CHD1L: variants seen among roughly 807,000 people sequenced by gnomAD.
CHD1L encodes chromodomain helicase DNA binding protein 1 like.
A neutral mutation model predicts 115.9 loss-of-function variants in CHD1L; 118 were observed. The observed-to-expected ratio is 1.02, with a 90% CI of 0.88 to 1.19. CHD1L has a LOEUF of 1.19. Among genes scored for constraint, CHD1L ranks in the 50% most tolerant of loss-of-function variants. CHD1L has a pLI of 0.00. For missense variants in CHD1L, 1,179 were observed against 1,065.3 expected (o/e 1.11, Z -1.49); for synonymous variants, 411 against 387.1 (o/e 1.06, Z -0.72).
chr1:147,252,593 C>G, intron 1 of CHD1L, 30 bp from the exon 2 acceptor site: 1 of 1,558,886 alleles, frequency 6.4e-7, no homozygotes, highest in Non-Finnish European at 8.8e-7. Context: ...AATGTCTGCT[C>G]TTCGGATTTG....
the CHD1L span, among the ~76,000 whole-genome samples, chr1:147,217,350 C>T: frequency 2.6e-5 from 4 of 152,010 alleles, no homozygotes; most frequent in Non-Finnish European, 4.4e-5. Context: ...AGCCTGTCAC[C>T]GAGATTTCAC....
the CHD1L span, among the ~76,000 whole-genome samples, chr1:147,236,760 C>T: frequency 2.0e-5 from 3 of 152,182 alleles, no homozygotes; most frequent in Non-Finnish European, 4.4e-5. Flanking sequence ...GGCTGGTTAT[C>T]CCACTGTCTC....
At chr1:147,271,800 C>T (rs587751783) in intron 11 of CHD1L, among the ~76,000 whole-genome samples, 1 of 152,314 alleles carries the variant, frequency 6.6e-6, no homozygotes, top group Admixed American at 6.5e-5. Context: ...AAGGGGCTCA[C>T]TCACCTGCCT....
the CHD1L span, among the ~76,000 whole-genome samples, chr1:147,236,663 G>A: frequency 6.6e-6 from 1 of 152,062 alleles, no homozygotes; most frequent in Non-Finnish European, 1.5e-5. Flanking sequence ...CCTGGAGTAA[G>A]CAGCTCCTCT....
At chr1:147,261,339 A>G (rs1671845750) in intron 6 of CHD1L, among the ~76,000 whole-genome samples, 1 of 151,762 alleles carries the variant, frequency 6.6e-6, no homozygotes, top group Non-Finnish European at 1.5e-5. Context: ...GCATCCTCAC[A>G]TGACAGAAGG....
intron 5 of CHD1L, among the ~76,000 whole-genome samples, chr1:147,257,959 A>C (rs895891702): frequency 6.6e-6 from 1 of 152,168 alleles, no homozygotes; most frequent in Admixed American, 6.5e-5. Flanking sequence ...TTAAAAACCT[A>C]AGTAACAGAG....
the CHD1L span, among the ~76,000 whole-genome samples, chr1:147,232,475 ACCTCTC>A: frequency 0.023 from 3,475 of 150,178 alleles, 114 homozygotes; most frequent in African/African-American, 0.078. Flanking sequence ...CTAAACCTCA[ACCTCTC>A]CCTCTCCCTC....
chr1:147,254,098 C>T (rs1207694507), intron 2 of CHD1L, among the ~76,000 whole-genome samples: 2 of 152,178 alleles, frequency 1.3e-5, no homozygotes, highest in Non-Finnish European at 2.9e-5. Context: ...AGTCTCTTGA[C>T]ACATTTTTGT....
chr1:147,295,373 G>A (rs1381927785), intron 22 of CHD1L, 58 bp from the exon 23 acceptor site: 24 of 1,144,744 alleles, frequency 2.1e-5, no homozygotes, highest in Middle Eastern at 2.5e-4. Context: ...AGAACTAGTC[G>A]TTTTGGTAAA....
chr1:147,294,530 G>T lies in CHD1L; in HGVS notation c.2615+13G>T. 6.3e-7 allele frequency: 1 copy of T among 1,593,256 alleles called. No homozygotes were observed. The highest frequency in any genetic ancestry group is 1.1e-5 in the South Asian group (1 of 89,100). On this transcript the variant is annotated intron_variant, in intron 22 of 22. Coordinates refer to ENST00000369258, the MANE Select transcript of CHD1L (RefSeq NM_004284.6). ...TCCCAACTTACATGTATCCTTTTGTGATCTTCATTGTGTGTTCTCCCAACC... is the reference window on the plus strand; with the variant it reads ...TCCCAACTTACATGTATCCTTTTGTTATCTTCATTGTGTGTTCTCCCAACC...
the CHD1L span, among the ~76,000 whole-genome samples, chr1:147,235,351 A>T: frequency 2.0e-5 from 3 of 152,218 alleles, no homozygotes; most frequent in African/African-American, 4.8e-5. Context: ...TACCTTGGAC[A>T]TTCAAATTTG....
intron 1 of CHD1L, among the ~76,000 whole-genome samples, chr1:147,249,357 T>G (rs200081259): frequency 2.0e-5 from 3 of 152,016 alleles, no homozygotes; most frequent in East Asian, 3.9e-4. Flanking sequence ...AGATATTTTC[T>G]TTGTCTTTTG....
intron 12 of CHD1L, 55 bp downstream of exon 12, chr1:147,272,336 T>C (rs1473398798): frequency 1.7e-6 from 2 of 1,200,918 alleles, no homozygotes; most frequent in Non-Finnish European, 2.5e-6. Flanking sequence ...TAGAGTACTA[T>C]TACATCCCAA....
chr1:147,203,262 A>G, the CHD1L span: 44 of 1,497,152 alleles, frequency 2.9e-5, no homozygotes, highest in African/African-American at 4.2e-5. Context: ...TACAGTAAAA[A>G]TTAAGCCAAT....
chr1:147,224,806 C>T, the CHD1L span: 340 of 1,359,490 alleles, frequency 2.5e-4, 1 homozygote, highest in African/African-American at 4.5e-3. Flanking sequence ...CAACCGCGCC[C>T]GGCCACCTGA....
chr1:147,179,680 A>G, the CHD1L span: 1 of 1,013,444 alleles, frequency 9.9e-7, no homozygotes. Flanking sequence ...GAGATGGGAA[A>G]ACCACTGGGG....
the CHD1L span, chr1:147,224,047 G>C: frequency 2.5e-6 from 1 of 403,150 alleles, no homozygotes; most frequent in South Asian, 1.9e-5. Flanking sequence ...ATCCCATCGA[G>C]CTGGTTGTCT....
chr1:147,286,575 T>C (rs949484613), intron 18 of CHD1L, 75 bp downstream of exon 18: 1 of 1,372,234 alleles, frequency 7.3e-7, no homozygotes, highest in Non-Finnish European at 1.0e-6. Flanking sequence ...GATGGGGCAC[T>C]GGGACTGGGG....
intron 12 of CHD1L, among the ~76,000 whole-genome samples, chr1:147,274,210 A>C (rs1553955629): frequency 6.6e-6 from 1 of 152,216 alleles, no homozygotes; most frequent in Non-Finnish European, 1.5e-5. Flanking sequence ...GGAAAATCGT[A>C]GCAACTACTC....
Sources: gnomAD v4.1 joint callset for allele counts (sites outside exome capture counted in the v4.1 genomes callset) on GRCh38, gnomAD v4.1.1 for gene constraint, MANE v1.5 for transcripts, NCBI Gene and HGNC (gene_info 2026-07-23, HGNC 2026-07-21) for gene names.